BID: variants seen among roughly 807,000 people sequenced by gnomAD.
BID encodes BH3 interacting domain death agonist.
BID carries 19 observed loss-of-function variants against 17.4 expected under a neutral mutation model. That is an observed-to-expected ratio of 1.09 (90% CI 0.76 to 1.60). BID has a LOEUF of 1.60. BID is among the 40% of genes most tolerant of loss of function. The probability of loss-of-function intolerance (pLI) is 0.00; values close to 1 mark genes in which losing one functional copy is unlikely to be tolerated. For missense variants in BID, 226 were observed against 256.0 expected (o/e 0.88, Z 0.80); for synonymous variants, 108 against 102.8 (o/e 1.05, Z -0.31).
At chr22:17,760,451 CAAAAAAAA>C (rs55817445) in intron 1 of BID, among the ~76,000 whole-genome samples, 3 of 30,766 alleles carry the variant, frequency 9.8e-5, no homozygotes, top group Non-Finnish European at 1.7e-4. Context: ...GACTCTGTCT[CAAAAAAAA>C]AAAAAAAAAA....
intron 5 of BID, among the ~76,000 whole-genome samples, chr22:17,736,888 C>T (rs1194535977): frequency 2.6e-5 from 4 of 152,074 alleles, no homozygotes; most frequent in Admixed American, 1.3e-4. Flanking sequence ...ACTGCAACCT[C>T]TGCCACCAGG....
chr22:17,755,629 T>C (rs1045322926), intron 1 of BID, among the ~76,000 whole-genome samples: 1 of 151,828 alleles, frequency 6.6e-6, no homozygotes, highest in South Asian at 2.1e-4. Flanking sequence ...GGTGAAACCT[T>C]GTCTCTGCTA....
chr22:17,739,591 G>T, intron 3 of BID, 103 bp from the exon 4 acceptor site: 2 of 1,442,882 alleles, frequency 1.4e-6, no homozygotes, highest in Non-Finnish European at 1.9e-6. Context: ...TCCGCGATGG[G>T]ACAAGGCCAG....
intron 2 of BID, among the ~76,000 whole-genome samples, chr22:17,748,383 C>T (rs1471066610): frequency 6.6e-6 from 1 of 150,976 alleles, no homozygotes. Context: ...TGGCGGGCGC[C>T]TGTAGTCCCA....
intron 5 of BID, among the ~76,000 whole-genome samples, chr22:17,736,966 G>T (rs1259896697): frequency 6.6e-6 from 1 of 151,952 alleles, no homozygotes; most frequent in Non-Finnish European, 1.5e-5. Context: ...ACCACACCCA[G>T]CTAATTTTTT....
intron 2 of BID, among the ~76,000 whole-genome samples, chr22:17,745,074 G>A (rs1293333440): frequency 6.6e-6 from 1 of 152,096 alleles, no homozygotes; most frequent in Non-Finnish European, 1.5e-5. Context: ...GTTTTGAGAT[G>A]GAGTCTCGCT....
rs1802194 is a variant in BID at position 17,735,429 on chromosome 22, A to T, written c.*151T>A. The T allele has an allele frequency of 0.015, 12,321 of 810,504 alleles. 109 individuals are homozygous for T. The highest frequency in any genetic ancestry group is 0.022 in the Middle Eastern group (94 of 4,212). The allele number at this position is 810,504 out of a possible 1,614,324, so 50.2% of individuals were successfully genotyped here. A position where few individuals can be genotyped will look rare whatever the true frequency, so the allele number is the denominator to read the frequency against. On this transcript the variant is annotated 3_prime_UTR_variant, in exon 6 of 6. Transcript: ENST00000622694. ...TATTTTAAAGTGGGTTATAAGTTTAACATTGTCTTTAAAATAGAAGTCACA... is the reference window on the plus strand; with the variant it reads ...TATTTTAAAGTGGGTTATAAGTTTATCATTGTCTTTAAAATAGAAGTCACA...
At position 17,740,065 on chromosome 22, in the gene BID, T is replaced by C. The variant is rs575940880; in HGVS notation, c.224-577A>G. On this transcript the variant is annotated intron_variant, in intron 3 of 5. Coordinates refer to ENST00000622694, the MANE Select transcript of BID (RefSeq NM_001196.4). The stretch of plus-strand genomic sequence containing the variant: ...CTCCTCTGGCGCACAGCCTCCGTGC[T>C]GCCCCTGCCCGAGTACCACTGTCGC... The C allele has an allele frequency of 1.9e-5, 30 of 1,609,788 alleles. No individual in the cohort carries two copies. The East Asian group carries it at 6.2e-4, about 33-fold the overall frequency.
intron 1 of BID, among the ~76,000 whole-genome samples, chr22:17,752,392 G>A (rs1601855495): frequency 2.6e-5 from 4 of 152,158 alleles, no homozygotes; most frequent in Admixed American, 1.3e-4. Flanking sequence ...GCTCAGGGCC[G>A]AAGTCCCATA....
intron 3 of BID, among the ~76,000 whole-genome samples, chr22:17,742,776 C>T (rs781632015): frequency 3.9e-5 from 6 of 152,330 alleles, no homozygotes; most frequent in South Asian, 2.1e-4. Flanking sequence ...AAAGGTTTCT[C>T]GTGTAATTCC....
chr22:17,749,073 G>C (rs577832098), intron 2 of BID, among the ~76,000 whole-genome samples: 1 of 152,334 alleles, frequency 6.6e-6, no homozygotes, highest in South Asian at 2.1e-4. Context: ...TGCTCTCCAT[G>C]CTCAGGAACT....
chr22:17,751,196 C>T (rs1159531555), intron 1 of BID, among the ~76,000 whole-genome samples: 1 of 151,328 alleles, frequency 6.6e-6, no homozygotes. Context: ...CAAGGTGAAA[C>T]CCCGTCTCTA....
At chr22:17,739,771 C>T (rs575901266) in intron 3 of BID, 15 of 575,968 alleles carry the variant, frequency 2.6e-5, no homozygotes, top group Middle Eastern at 4.7e-4. Flanking sequence ...TGGGGCATCA[C>T]GACCACGCCT....
chr22:17,748,066 G>A (rs1054898466), intron 2 of BID, among the ~76,000 whole-genome samples: 6 of 150,706 alleles, frequency 4.0e-5, no homozygotes, highest in Admixed American at 4.0e-4. Flanking sequence ...AAAATTAGCC[G>A]GGCGTGGTGG....
intron 4 of BID, 76 bp downstream of exon 4, chr22:17,739,273 G>T: frequency 6.9e-7 from 1 of 1,457,516 alleles, no homozygotes; most frequent in South Asian, 1.3e-5. Flanking sequence ...GGGACAGTGG[G>T]CTGCCTGGTG....
Position 17,773,661 on chromosome 22 carries a change from G to A in BID, c.-59+720C>T, listed in dbSNP as rs1434144769. On this transcript the variant is annotated intron_variant, in intron 1 of 5. Transcript: ENST00000622694. This position sits in a 1 kb window ranked among gnomAD's most constrained non-coding sequence, Gnocchi z 4.4. ...GGCCCGGCCCCTCGCTGCCCACCGA[G>A]CCATCATGACCCCAGCACCGCTGCA... 2 of 1,611,470 alleles carry A rather than the reference G, an allele frequency of 1.2e-6. No individual in the cohort carries two copies. Among genetic ancestry groups the A allele is most frequent in the Admixed American group, 1.7e-5 (1 of 60,024 alleles).
chr22:17,759,866 G>A (rs369193999), intron 1 of BID, among the ~76,000 whole-genome samples: 7 of 152,072 alleles, frequency 4.6e-5, no homozygotes, highest in African/African-American at 1.7e-4. Flanking sequence ...GTTTCGGCCG[G>A]GCGAGGTGGC....
intron 1 of BID, among the ~76,000 whole-genome samples, chr22:17,751,766 G>C: frequency 6.6e-6 from 1 of 152,190 alleles, no homozygotes; most frequent in Non-Finnish European, 1.5e-5. Context: ...GCTGTGTGTG[G>C]CCGTGCATTT....
rs888897958 is a variant in BID, at chr22:17,741,656, T to G, written c.223+2147A>C. Among the ~76,000 whole-genome samples the G allele has an allele frequency of 2.0e-5, 3 of 152,112 alleles. No homozygotes were observed. The East Asian group carries it at 5.8e-4, about 29-fold the overall frequency. On this transcript the variant is annotated intron_variant, in intron 3 of 5. Transcript: ENST00000622694. ...CCTGGCTAATTTTTATATATTTTTT[T>G]TAGTAGAGACGGGGTTTCACCATCT...
Sources: gnomAD v4.1 joint callset for allele counts (sites outside exome capture counted in the v4.1 genomes callset) on GRCh38, gnomAD v4.1.1 for gene constraint, Gnocchi (gnomAD v3.1) non-coding constraint, MANE v1.5 for transcripts, NCBI Gene and HGNC (gene_info 2026-07-23, HGNC 2026-07-21) for gene names.